Variants in SYNE3 observed in about 807,000 individuals in gnomAD.
SYNE3 encodes the protein spectrin repeat containing nuclear envelope family member 3, also known as nesprin-3.
Under a neutral mutation model 111.2 loss-of-function variants are expected in SYNE3, and 100 were observed. The observed-to-expected ratio is 0.90, with a 90% CI of 0.77 to 1.06. SYNE3 has a LOEUF of 1.06. Ranked by LOEUF, SYNE3 falls within the 50% of genes least tolerant of loss-of-function variation. The probability of loss-of-function intolerance (pLI) is 0.00; values close to 1 mark genes in which losing one functional copy is unlikely to be tolerated. For synonymous variants in SYNE3, 547 were observed against 533.9 expected (o/e 1.02, Z -0.34); for missense variants, 1,160 against 1,240.3 (o/e 0.94, Z 0.97).
At chr14:95,455,026 G>C (rs918181085) in intron 6 of SYNE3, among the ~76,000 whole-genome samples, 2 of 152,182 alleles carry the variant, frequency 1.3e-5, no homozygotes, top group East Asian at 3.9e-4. Flanking sequence ...CCTGTTCCAC[G>C]CAGAGGAAGC....
rs559788510 is a variant in SYNE3, at chr14:95,500,548, G to C, written c.-15+16048C>G. On this transcript the variant is annotated intron_variant, in intron 1 of 17. Coordinates refer to ENST00000682763, the MANE Select transcript of SYNE3 (RefSeq NM_152592.6). This position sits in a 1 kb window ranked among gnomAD's most constrained non-coding sequence, Gnocchi z 4.7. ...GGCCCAGCCGGACTCAGCGGGAGGA[G>C]GCTGCCTTCCTCCTGGAGCTGGCCT... Among the ~76,000 whole-genome samples, 2 of 152,332 alleles carry C rather than the reference G, an allele frequency of 1.3e-5. No individual in the cohort carries two copies. Among genetic ancestry groups the C allele is most frequent in the Admixed American group, 6.5e-5 (1 of 15,308 alleles).
chr14:95,417,350 C>T lies in SYNE3; in HGVS notation c.*476G>A, dbSNP rs1025544819. On this transcript the variant is annotated 3_prime_UTR_variant, in exon 18 of 18. Transcript: ENST00000682763. Reference sequence around the variant, plus strand: ...CTGGGCACCAAGTGAGGGTCTATGGCGCTCTTCCACGTTGCAGCTCAGAGG... The same window carrying T: ...CTGGGCACCAAGTGAGGGTCTATGGTGCTCTTCCACGTTGCAGCTCAGAGG... The T allele has an allele frequency of 2.5e-5, 5 of 199,020 alleles. No homozygotes were observed. Among genetic ancestry groups the T allele is most frequent in the South Asian group, 9.5e-5 (1 of 10,572 alleles). The allele number at this position is 199,020 out of a possible 1,614,324, so 12.3% of individuals were successfully genotyped here. A position where few individuals can be genotyped will look rare whatever the true frequency, so the allele number is the denominator to read the frequency against.
chr14:95,425,826 G>C (rs1347288761), intron 17 of SYNE3, among the ~76,000 whole-genome samples: 1 of 152,226 alleles, frequency 6.6e-6, no homozygotes, highest in African/African-American at 2.4e-5. Flanking sequence ...AATATGGACT[G>C]TGGATTAAAT....
chr14:95,456,988 G>A (rs1169103282), intron 5 of SYNE3, among the ~76,000 whole-genome samples, 189 bp downstream of exon 5: 2 of 151,906 alleles, frequency 1.3e-5, no homozygotes, highest in Non-Finnish European at 2.9e-5. Flanking sequence ...AGGAGGCTGA[G>A]GCAGGAGAAT....
chr14:95,475,158 C>T (rs1446430718), intron 2 of SYNE3, among the ~76,000 whole-genome samples: 4 of 152,370 alleles, frequency 2.6e-5, no homozygotes, highest in Non-Finnish European at 5.9e-5. Flanking sequence ...GCACTTAGTG[C>T]TACATGGTCT....
At position 95,417,528 on chromosome 14, in the gene SYNE3, C is replaced by T. The variant is rs1019485807; in HGVS notation, c.*298G>A. Reference sequence around the variant, plus strand: ...AGGGAGCCATTGCTAGGAATTTTCCCAACTCCAAATAGAACTCGTATATGA... The same window carrying T: ...AGGGAGCCATTGCTAGGAATTTTCCTAACTCCAAATAGAACTCGTATATGA... On this transcript the variant is annotated 3_prime_UTR_variant, in exon 18 of 18. Transcript: ENST00000682763. 106 of 396,002 alleles carry T rather than the reference C, an allele frequency of 2.7e-4. 1 individual carries two copies. Among genetic ancestry groups the T allele is most frequent in the African/African-American group, 2.0e-3 (102 of 50,014 alleles). 24.5% of individuals were successfully genotyped at this position (396,002 alleles called of 1,614,324 possible). A position where few individuals can be genotyped will look rare whatever the true frequency, so the allele number is the denominator to read the frequency against.
In SYNE3 at chr14:95,432,094, C is replaced by A. The variant is rs759939118; in HGVS notation, c.2712G>T (p.Pro904=). The A allele has an allele frequency of 2.5e-6, 4 of 1,612,514 alleles. No homozygotes were observed. Among genetic ancestry groups the A allele is most frequent in the South Asian group, 1.1e-5 (1 of 90,568 alleles). The change falls in exon 17 of 18, where the codon CCG becomes CCT. Residue 904 remains proline (P), a synonymous_variant. Coordinates refer to ENST00000682763, the MANE Select transcript of SYNE3 (RefSeq NM_152592.6). ...HLLTQSSPGE[P]TGFQKTRRWR... is the part of the protein sequence containing the mutation. Reference sequence around the variant, plus strand: ...GACACTGTACCTTTTGGAATCCAGTCGGCTCCCCTGGAGAACTTTGTGTCT... The same window carrying A: ...GACACTGTACCTTTTGGAATCCAGTAGGCTCCCCTGGAGAACTTTGTGTCT...
At chr14:95,425,129 C>T (rs1385227738) in intron 17 of SYNE3, among the ~76,000 whole-genome samples, 4 of 152,046 alleles carry the variant, frequency 2.6e-5, no homozygotes, top group Non-Finnish European at 1.5e-5. Context: ...ACCTGTAATT[C>T]CAGCTACTCA....
chr14:95,445,718 G>A (rs1323241680), intron 9 of SYNE3, among the ~76,000 whole-genome samples, 191 bp downstream of exon 9: 1 of 152,200 alleles, frequency 6.6e-6, no homozygotes, highest in African/African-American at 2.4e-5. Context: ...CCAGTTAGAG[G>A]GACCATGCAA....
chr14:95,490,047 C>T (rs1043367443), intron 1 of SYNE3, among the ~76,000 whole-genome samples: 2 of 152,246 alleles, frequency 1.3e-5, no homozygotes, highest in African/African-American at 4.8e-5. Flanking sequence ...ATAGTTCACA[C>T]CTGACTTCCA....
At chr14:95,476,514 T>C (rs1168283515) in intron 1 of SYNE3, among the ~76,000 whole-genome samples, 1 of 152,258 alleles carries the variant, frequency 6.6e-6, no homozygotes, top group East Asian at 1.9e-4. Context: ...ACCTGCCTGC[T>C]GGCATAGGTC....
intron 1 of SYNE3, among the ~76,000 whole-genome samples, chr14:95,483,309 G>A (rs17092519): frequency 0.01 from 1,545 of 152,236 alleles, 22 homozygotes; most frequent in African/African-American, 0.035. Flanking sequence ...CAAGCTGGCC[G>A]GGGCCGCCCA....
At chr14:95,486,281 G>C (rs1022905838) in intron 1 of SYNE3, among the ~76,000 whole-genome samples, 2 of 151,962 alleles carry the variant, frequency 1.3e-5, no homozygotes, top group African/African-American at 4.8e-5. Flanking sequence ...CTGACCCCTG[G>C]TCCCTGCATC....
chr14:95,454,441 G>T (rs138158764), intron 6 of SYNE3, among the ~76,000 whole-genome samples: 1 of 152,334 alleles, frequency 6.6e-6, no homozygotes, highest in African/African-American at 2.4e-5. Context: ...GTTAGCAAGG[G>T]GAGAAACTAG....
At chr14:95,480,439 G>A (rs1889166971) in intron 1 of SYNE3, among the ~76,000 whole-genome samples, 1 of 152,172 alleles carries the variant, frequency 6.6e-6, no homozygotes, top group Non-Finnish European at 1.5e-5. Context: ...CAGATGATGT[G>A]GCAGGCTTGA....
intron 17 of SYNE3, among the ~76,000 whole-genome samples, chr14:95,429,324 G>A (rs952339369): frequency 2.0e-4 from 31 of 152,296 alleles, no homozygotes; most frequent in Admixed American, 3.9e-4. Context: ...GGAAGACTGC[G>A]GCTAAATGAC....
In SYNE3 at chr14:95,417,897, A is replaced by T. The variant is rs745545054; in HGVS notation, c.2857T>A (p.Cys953Ser). ...CGGGCGAAGTTGTTGGCCAGGGTGC[A>T]GCTGCGGTCCTCTTCCCTGATTGGG... ...LLPIREEDRS[C>S]TLANNFARSF... The change falls in exon 18 of 18, where the codon TGC (cysteine) becomes AGC (serine). Residue 953 changes from cysteine to serine, a missense_variant. By Grantham distance (112) the Cys-to-Ser change is moderately radical (BLOSUM62 -1). Coordinates refer to ENST00000682763, the MANE Select transcript of SYNE3 (RefSeq NM_152592.6). The T allele has an allele frequency of 6.2e-7, 1 of 1,614,232 alleles. No individual in the cohort carries two copies. Among genetic ancestry groups the T allele is most frequent in the Non-Finnish European group, 8.5e-7 (1 of 1,180,040 alleles).
chr14:95,475,532 C>A, intron 2 of SYNE3, 146 bp downstream of exon 2: 2 of 1,030,942 alleles, frequency 1.9e-6, no homozygotes, highest in South Asian at 3.2e-5. Context: ...TAAACAAAAT[C>A]TCCAGGAGAT....
At chr14:95,512,082 G>A (rs1191825288) in intron 1 of SYNE3, among the ~76,000 whole-genome samples, 1 of 152,172 alleles carries the variant, frequency 6.6e-6, no homozygotes, top group East Asian at 1.9e-4. Flanking sequence ...AGGTCATAGA[G>A]TGTTATTATT....
Sources: gnomAD v4.1 joint callset for allele counts (sites outside exome capture counted in the v4.1 genomes callset) on GRCh38, gnomAD v4.1.1 for gene constraint, Gnocchi (gnomAD v3.1) non-coding constraint, MANE v1.5 for transcripts, NCBI Gene and HGNC (gene_info 2026-07-23, HGNC 2026-07-21) for gene names.